WASHC5: variants seen among roughly 807,000 people sequenced by gnomAD.
WASHC5 encodes the protein WASH complex subunit strumpellin.
In WASHC5, 101 loss-of-function variants were observed where a neutral mutation model predicts 150.4. The observed-to-expected ratio is 0.67, with a 90% CI of 0.57 to 0.79. The LOEUF (loss-of-function observed/expected upper bound fraction) is 0.79. WASHC5 is among the 30% of genes least tolerant of loss of function. The pLI is 0.00. For synonymous variants in WASHC5, 467 were observed against 491.2 expected (o/e 0.95, Z 0.65); for missense variants, 1,195 against 1,396.3 (o/e 0.86, Z 2.30).
intron 26 of WASHC5, among the ~76,000 whole-genome samples, chr8:125,036,970 G>A (rs186888313): frequency 2.1e-3 from 319 of 152,212 alleles, no homozygotes; most frequent in Non-Finnish European, 3.6e-3. Flanking sequence ...CTGAGACCAC[G>A]CCATCGCGCT....
At chr8:125,071,575 C>T (rs765194270) in intron 9 of WASHC5, among the ~76,000 whole-genome samples, 18 of 152,182 alleles carry the variant, frequency 1.2e-4, no homozygotes, top group African/African-American at 1.9e-4. Flanking sequence ...CCTCATCACA[C>T]GCCTGGTTGG....
intron 17 of WASHC5, among the ~76,000 whole-genome samples, chr8:125,051,530 C>G (rs1036023103): frequency 5.3e-5 from 8 of 152,182 alleles, no homozygotes; most frequent in African/African-American, 1.7e-4. Context: ...TCAGGGAAAT[C>G]CAGACTGTGG....
Position 125,073,252 on chromosome 8 carries a change from T to A in WASHC5, c.1051A>T (p.Arg351Trp). The change falls in exon 9 of 29, where the codon AGG becomes TGG. Residue 351 changes from arginine to tryptophan, a missense_variant. By Grantham distance (101) the Arg-to-Trp change is moderately radical. This residue lies in a region of WASHC5 where 997 missense variants were observed against 1,168.1 expected (regional missense o/e 0.85). Transcript: ENST00000318410. Reference protein sequence around the residue: ...VQQFLKEGYLREEMVLDNIPK... With the variant: ...VQQFLKEGYLWEEMVLDNIPK... ...ATATTGTCCAGAACCATCTCCTCCC[T>A]TAAATAACCTTCTTTTAGAAATTGC... The A allele has an allele frequency of 6.2e-7, 1 of 1,614,034 alleles. No homozygotes were observed. Among genetic ancestry groups the A allele is most frequent in the South Asian group, 1.1e-5 (1 of 91,084 alleles).
chr8:125,059,728 G>C (rs1816533593), intron 12 of WASHC5, among the ~76,000 whole-genome samples, 186 bp from the exon 13 acceptor site: 1 of 152,168 alleles, frequency 6.6e-6, no homozygotes. Context: ...TCTAGGATTA[G>C]AAAATGTTCC....
chr8:125,083,271 A>G lies in WASHC5; in HGVS notation c.187-13T>C. The G allele has an allele frequency of 6.2e-7, 1 of 1,611,034 alleles. No individual in the cohort carries two copies. The highest frequency in any genetic ancestry group is 1.1e-5 in the South Asian group (1 of 90,770). On this transcript the variant is annotated splice_polypyrimidine_tract_variant and intron_variant, in intron 2 of 28. Transcript: ENST00000318410. Reference sequence around the variant, plus strand: ...ATAATTCTGGACCCTGAGAAAAAAAAACACATGTGAAATGTCAATAAAAGC... The same window carrying G: ...ATAATTCTGGACCCTGAGAAAAAAAGACACATGTGAAATGTCAATAAAAGC...
rs2384921 is a variant in WASHC5, at chr8:125,075,336, G to A, written c.865-225C>T. Among the ~76,000 whole-genome samples the A allele has an allele frequency of 0.19, 28,945 of 151,908 alleles. 3,203 individuals are homozygous for A. Among genetic ancestry groups the A allele is most frequent in the Middle Eastern group, 0.35 (102 of 290 alleles). ...TAAAGATCTCTTTACACCTATTAAC[G>A]TTGCTTTTTGAAATTCTCTATTGTG... On this transcript the variant is annotated intron_variant, in intron 7 of 28. Coordinates refer to ENST00000318410, the MANE Select transcript of WASHC5 (RefSeq NM_014846.4).
intron 10 of WASHC5, among the ~76,000 whole-genome samples, chr8:125,066,107 C>G (rs1816737128): frequency 6.6e-6 from 1 of 152,122 alleles, no homozygotes; most frequent in African/African-American, 2.4e-5. Flanking sequence ...TTTCCAGCAC[C>G]TGGCAAAGAA....
chr8:125,056,923 A>G (rs571921658), intron 15 of WASHC5, 106 bp from the exon 16 acceptor site: 1 of 1,335,066 alleles, frequency 7.5e-7, no homozygotes, highest in African/African-American at 1.4e-5. Context: ...ATGCTGAAAA[A>G]TGTAAAAGAG....
intron 28 of WASHC5, 31 bp from the exon 29 acceptor site, chr8:125,024,704 G>GTTGAACAATTAGTTCAATAGTAAAT (rs1327583746): frequency 6.8e-7 from 1 of 1,462,260 alleles, no homozygotes; most frequent in East Asian, 2.3e-5. Flanking sequence ...ATTATTCATG[G>GTTGAACAATTAGTTCAATAGTAAAT]TGTTATAGTT....
intron 12 of WASHC5, among the ~76,000 whole-genome samples, chr8:125,060,079 G>T (rs992399988): frequency 1.3e-5 from 2 of 152,096 alleles, no homozygotes; most frequent in Non-Finnish European, 2.9e-5. Flanking sequence ...GCAGAAATAA[G>T]AAAAAGCCTG....
intron 26 of WASHC5, among the ~76,000 whole-genome samples, chr8:125,036,699 A>G (rs1815718113): frequency 7.0e-6 from 1 of 143,554 alleles, no homozygotes; most frequent in Non-Finnish European, 1.5e-5. Context: ...AAATAAATAA[A>G]TAAGTGTACT....
chr8:125,081,853 C>T, intron 4 of WASHC5, 92 bp from the exon 5 acceptor site: 1 of 801,980 alleles, frequency 1.2e-6, no homozygotes, highest in Non-Finnish European at 2.2e-6. Flanking sequence ...GCTTTGCTCA[C>T]ACTTCTTCAA....
At chr8:125,056,530 A>G in intron 16 of WASHC5, 147 bp downstream of exon 16, 5 of 906,896 alleles carry the variant, frequency 5.5e-6, no homozygotes, top group Non-Finnish European at 7.2e-6. Flanking sequence ...TACTAAAATC[A>G]TAAAACGCGT....
chr8:125,083,339 GTTC>G, intron 2 of WASHC5, 81 bp from the exon 3 acceptor site: 2 of 1,362,796 alleles, frequency 1.5e-6, no homozygotes, highest in Non-Finnish European at 2.1e-6. Flanking sequence ...TTAAAAATTT[GTTC>G]TTATGTTATT....
rs112322486 is a variant in WASHC5, at chr8:125,067,579, C to A, written c.1278+13G>T. The A allele has an allele frequency of 5.0e-6, 8 of 1,603,554 alleles. No homozygotes were observed. Among genetic ancestry groups the A allele is most frequent in the African/African-American group, 4.0e-5 (3 of 74,650 alleles). On this transcript the variant is annotated intron_variant, in intron 10 of 28. Transcript: ENST00000318410. The stretch of plus-strand genomic sequence containing the variant: ...AGCTAAGACTGTGGTGATATTCATT[C>A]AAATATTTTTACCTCTTTGAGTATA...
rs1319780631 is a variant in WASHC5, at chr8:125,065,776, C to T, written c.1278+1816G>A. Reference sequence around the variant, plus strand: ...GGAATACAGGCACGCGCCACTGCACCCAGCTAATTTTTGTATTTTTAGTAC... The same window carrying T: ...GGAATACAGGCACGCGCCACTGCACTCAGCTAATTTTTGTATTTTTAGTAC... On this transcript the variant is annotated intron_variant, in intron 10 of 28. Coordinates refer to ENST00000318410, the MANE Select transcript of WASHC5 (RefSeq NM_014846.4). Among the ~76,000 whole-genome samples the T allele has an allele frequency of 7.9e-5, 12 of 152,098 alleles. No individual in the cohort carries two copies. The East Asian group carries it at 2.3e-3, about 29-fold the overall frequency.
chr8:125,080,550 C>T (rs576807541), intron 5 of WASHC5, among the ~76,000 whole-genome samples: 3 of 152,240 alleles, frequency 2.0e-5, no homozygotes, highest in Admixed American at 1.3e-4. Context: ...TCTACTTTGT[C>T]CTAATTTTTA....
In WASHC5 at chr8:125,046,136, C is replaced by T. The variant is rs115146695; in HGVS notation, c.2504+1071G>A. On this transcript the variant is annotated intron_variant, in intron 20 of 28. Transcript: ENST00000318410. ...GATTTAACTCACACAAGATCAACTA[C>T]ACGTGCCTGGGTGGTCAGAGAACAA... 1.1e-3 allele frequency among the ~76,000 whole-genome samples: 165 copies of T among 152,314 alleles called. 1 individual carries two copies. Among genetic ancestry groups the T allele is most frequent in the African/African-American group, 3.8e-3 (158 of 41,580 alleles).
chr8:125,038,514 G>A (rs1297165584), intron 25 of WASHC5, among the ~76,000 whole-genome samples: 3 of 152,222 alleles, frequency 2.0e-5, no homozygotes, highest in African/African-American at 7.2e-5. Flanking sequence ...ACAGATCAAT[G>A]CTACCATTTT....
Sources: allele counts gnomAD v4.1 joint callset (sites outside exome capture counted in the v4.1 genomes callset), GRCh38; gene constraint gnomAD v4.1.1; regional missense constraint gnomAD v4.1.1; transcripts MANE v1.5; gene names NCBI Gene and HGNC (gene_info 2026-07-23, HGNC 2026-07-21).